TMEM230: variants seen among roughly 807,000 people sequenced by gnomAD.
The protein encoded by TMEM230 is UPF0414 transmembrane protein C20orf30.
In TMEM230, 10 loss-of-function variants were observed where a neutral mutation model predicts 15.8. That is an observed-to-expected ratio of 0.63 (90% confidence interval 0.39 to 1.07). The LOEUF is 1.07. Ranked by LOEUF, TMEM230 falls within the 50% of genes least tolerant of loss-of-function variation. The probability of loss-of-function intolerance (pLI) is 0.01; values close to 1 mark genes in which losing one functional copy is unlikely to be tolerated. For missense variants in TMEM230, 165 were observed against 193.3 expected (o/e 0.85, Z 0.87); for synonymous variants, 67 against 76.9 (o/e 0.87, Z 0.68).
intron 3 of TMEM230, 46 bp from the exon 3 acceptor site, chr20:5,106,356 CA>C: frequency 3.9e-6 from 6 of 1,555,918 alleles, no homozygotes; most frequent in Non-Finnish European, 5.2e-6. Context: ...AACATTAATG[CA>C]AATACCTGGG....
chr20:5,075,285 G>C (rs1269869494), intron 3 of TMEM230, among the ~76,000 whole-genome samples: 1 of 150,750 alleles, frequency 6.6e-6, no homozygotes, highest in African/African-American at 2.4e-5. Context: ...GGCTGGTCTC[G>C]AACTCCTGAC....
At position 5,100,643 on chromosome 20, in the gene TMEM230, T is replaced by C; in HGVS notation, c.*148A>G. On this transcript the variant is annotated 3_prime_UTR_variant, in exon 5 of 5. Transcript: ENST00000342308. ...TAGCTAACTGTAGGTTCACTTAACA[T>C]CTTTGGGAAGGACCCAAAAAATCTG... 1 of 1,450,018 alleles carries C rather than the reference T, an allele frequency of 6.9e-7. No homozygotes were observed. The allele number at this position is 1,450,018 out of a possible 1,614,324, so 89.8% of individuals were successfully genotyped here.
At chr20:5,106,958 T>C (rs2090118494) in intron 3 of TMEM230, among the ~76,000 whole-genome samples, 1 of 152,076 alleles carries the variant, frequency 6.6e-6, no homozygotes. Flanking sequence ...TCCTTCCACC[T>C]CTGCCTCCCA....
At chr20:5,095,874 G>A (rs2089651587), downstream of TMEM230, among the ~76,000 whole-genome samples, 1 of 152,218 alleles carries the variant, frequency 6.6e-6, no homozygotes, top group South Asian at 2.1e-4. Context: ...CTGAGGGGAG[G>A]TGAAAAAATA....
downstream of TMEM230, among the ~76,000 whole-genome samples, chr20:5,099,307 G>A (rs543089827): frequency 4.0e-5 from 6 of 151,806 alleles, no homozygotes; most frequent in Non-Finnish European, 7.4e-5. Flanking sequence ...AGCTTTGCTC[G>A]GCAACCACTC....
downstream of TMEM230, chr20:5,067,409 T>TCATATATATATA (rs2088677613): frequency 1.4e-5 from 1 of 73,812 alleles, no homozygotes; most frequent in Non-Finnish European, 2.7e-5. Context: ...GTGTTTAGGC[T>TCATATATATATA]CATATATATA....
chr20:5,070,061 G>A (rs1345830114), intron 3 of TMEM230, among the ~76,000 whole-genome samples: 2 of 152,078 alleles, frequency 1.3e-5, no homozygotes, highest in Admixed American at 1.3e-4. Context: ...AGAGTGGAAG[G>A]GACATCTTGT....
At chr20:5,088,929 A>AT (rs1441438136) in intron 3 of TMEM230, among the ~76,000 whole-genome samples, 2 of 152,248 alleles carry the variant, frequency 1.3e-5, no homozygotes, top group East Asian at 3.8e-4. Context: ...GGAACTTAGT[A>AT]TAATAGATTT....
At chr20:5,062,559 C>T in the TMEM230 span, among the ~76,000 whole-genome samples, 1 of 151,978 alleles carries the variant, frequency 6.6e-6, no homozygotes, top group Non-Finnish European at 1.5e-5. Flanking sequence ...AGTTTAAGAC[C>T]AGACTAGGCA....
At position 5,109,362 on chromosome 20, in the gene TMEM230, G is replaced by A. The variant is rs374995926; in HGVS notation, c.258C>T (p.Ser86=). ...GGTCAATGTAGCCATCGTCTGTGCT[G>A]GAGAGCCTTGAATATTTCACTTTAC... The change falls in exon 3 of 5, where the codon TCC becomes TCT. Residue 86 remains serine, a synonymous_variant. Coordinates refer to ENST00000342308, the MANE Select transcript of TMEM230 (RefSeq NM_001009923.2). The A allele has an allele frequency of 1.9e-6, 3 of 1,613,206 alleles. No homozygotes were observed. Among genetic ancestry groups the A allele is most frequent in the South Asian group, 2.2e-5 (2 of 91,026 alleles).
chr20:5,091,199 T>C (rs1477004510), intron 3 of TMEM230, among the ~76,000 whole-genome samples: 2 of 152,068 alleles, frequency 1.3e-5, no homozygotes, highest in Non-Finnish European at 2.9e-5. Flanking sequence ...TTTGTTGTTG[T>C]TGTTATTTTG....
intron 1 of TMEM230, among the ~76,000 whole-genome samples, chr20:5,112,028 G>T (rs1447541017): frequency 6.6e-6 from 1 of 152,064 alleles, no homozygotes; most frequent in African/African-American, 2.4e-5. Flanking sequence ...TCTATTTTTA[G>T]TAGAGACGGG....
chr20:5,099,238 ATC>A (rs2089760921), downstream of TMEM230, among the ~76,000 whole-genome samples: 2 of 17,832 alleles, frequency 1.1e-4, no homozygotes, highest in Admixed American at 1.2e-3. Flanking sequence ...AAATAAATCA[ATC>A]AATCAATAAT....
In TMEM230 at chr20:5,072,516, G is replaced by C. The variant is rs563192110; in HGVS notation, c.223-3167C>G. On this transcript the variant is annotated intron_variant, in intron 3 of 3. Coordinates refer to the TMEM230 transcript ENST00000612323. Reference sequence around the variant, plus strand: ...GGAAAGAGTGTTTTTTTCCTTTTTGGCCGTGAGACTATAAGAACATGAACT... The same window carrying C: ...GGAAAGAGTGTTTTTTTCCTTTTTGCCCGTGAGACTATAAGAACATGAACT... Among the ~76,000 whole-genome samples, 20 of 151,684 alleles carry C rather than the reference G, an allele frequency of 1.3e-4. No homozygotes were observed. The East Asian group carries it at 3.7e-3, about 28-fold the overall frequency.
At chr20:5,107,418 A>T (rs1173460429) in intron 3 of TMEM230, among the ~76,000 whole-genome samples, 1 of 152,170 alleles carries the variant, frequency 6.6e-6, no homozygotes, top group African/African-American at 2.4e-5. Context: ...CTGGCAAGAG[A>T]TGAAGCTCTA....
At chr20:5,064,984 C>T (rs1198889620), downstream of TMEM230, among the ~76,000 whole-genome samples, 1 of 150,916 alleles carries the variant, frequency 6.6e-6, no homozygotes, top group Non-Finnish European at 1.5e-5. Context: ...CAGCCTGGGC[C>T]AACAAAGTGA....
downstream of TMEM230, among the ~76,000 whole-genome samples, chr20:5,065,152 C>T (rs1483459220): frequency 2.6e-5 from 4 of 152,030 alleles, no homozygotes; most frequent in African/African-American, 9.7e-5. Context: ...GGTGTGGTGG[C>T]TCTCACCTGT....
intron 3 of TMEM230, among the ~76,000 whole-genome samples, chr20:5,083,869 T>C (rs1312277772): frequency 1.3e-5 from 2 of 152,224 alleles, no homozygotes; most frequent in Non-Finnish European, 2.9e-5. Flanking sequence ...TCTCTTTTAT[T>C]TTAGGTTCAG....
Position 5,093,038 on chromosome 20 carries a change from G to T in TMEM230, c.222+13150C>A, listed in dbSNP as rs143279558. On this transcript the variant is annotated intron_variant, in intron 3 of 3. Transcript: ENST00000612323. ...AAAAGAAATGACAGGCCTCCAAATT[G>T]GAAATGAAGAAGTAAAACTGTCTCT... 1.1e-3 allele frequency among the ~76,000 whole-genome samples: 160 copies of T among 151,952 alleles called. 2 individuals carry two copies. The East Asian group carries it at 0.025, about 24-fold the overall frequency.
Sources: gnomAD v4.1 joint callset for allele counts (sites outside exome capture counted in the v4.1 genomes callset) on GRCh38, gnomAD v4.1.1 for gene constraint, MANE v1.5 for transcripts, NCBI Gene and HGNC (gene_info 2026-07-23, HGNC 2026-07-21) for gene names.